The following PHF8 variants were observed in gnomAD, a reference collection of about 807,000 sequenced individuals.
PHF8 encodes the protein histone lysine demethylase PHF8.
Under a neutral mutation model 74.4 loss-of-function variants are expected in PHF8, and 9 were observed. The ratio of observed to expected loss-of-function variants is 0.12; its 90% confidence interval spans 0.07 to 0.21. The LOEUF (loss-of-function observed/expected upper bound fraction) is 0.21, where lower values mean the gene tolerates loss of function less well. Ranked by LOEUF, PHF8 falls within the 10% of genes least tolerant of loss-of-function variation. The probability of loss-of-function intolerance (pLI) is 1.00; values close to 1 mark genes in which losing one functional copy is unlikely to be tolerated. For missense variants in PHF8, 478 were observed against 816.6 expected (o/e 0.59, Z 5.05); for synonymous variants, 311 against 316.6 (o/e 0.98, Z 0.19).
intron 8 of PHF8, among the ~76,000 whole-genome samples, chrX:54,003,151 A>T (rs1412658541): frequency 8.9e-6 from 1 of 112,572 alleles, no homozygotes; most frequent in Non-Finnish European, 1.9e-5. Flanking sequence ...TAATGGGCTT[A>T]TAATTATTTT....
chrX:53,958,262 G>A (rs1005934765), intron 19 of PHF8, among the ~76,000 whole-genome samples: 14 of 107,775 alleles, frequency 1.3e-4, no homozygotes, highest in African/African-American at 4.4e-4. Flanking sequence ...GGATGGTCTG[G>A]ATCTCCTGAC....
intron 18 of PHF8, among the ~76,000 whole-genome samples, chrX:53,978,167 C>T (rs1482637673): frequency 9.2e-6 from 1 of 108,821 alleles, no homozygotes; most frequent in African/African-American, 3.4e-5. Flanking sequence ...AGGCTGGTCT[C>T]GAACTCCTGA....
chrX:53,957,728 T>C (rs1209663974), intron 19 of PHF8, among the ~76,000 whole-genome samples: 1 of 111,483 alleles, frequency 9.0e-6, no homozygotes, highest in African/African-American at 3.3e-5. Context: ...AATAGATGTG[T>C]AAAAAACGTG....
At chrX:53,946,876 A>G (rs1557085301) in intron 19 of PHF8, among the ~76,000 whole-genome samples, 2 of 112,103 alleles carry the variant, frequency 1.8e-5, no homozygotes, top group South Asian at 3.7e-4. Context: ...GGGAAACAGC[A>G]TAATAACTGG....
At chrX:53,994,296 T>C (rs782364694) in intron 12 of PHF8, among the ~76,000 whole-genome samples, 2 of 112,421 alleles carry the variant, frequency 1.8e-5, no homozygotes, top group African/African-American at 6.5e-5. Flanking sequence ...AGGAAAGTTA[T>C]CTGACCATTT....
intron 8 of PHF8, among the ~76,000 whole-genome samples, chrX:54,002,920 C>T (rs937908317): frequency 8.1e-5 from 9 of 111,590 alleles, no homozygotes; most frequent in African/African-American, 2.9e-4. Flanking sequence ...ATGTTCTTTG[C>T]CTTTTTCACC....
At chrX:53,982,474 TATC>T (rs1392420423) in intron 18 of PHF8, among the ~76,000 whole-genome samples, 5 of 112,929 alleles carry the variant, frequency 4.4e-5, no homozygotes, top group African/African-American at 1.3e-4. Flanking sequence ...AGTACTTACT[TATC>T]ATGTGCTGGG....
intron 2 of PHF8, among the ~76,000 whole-genome samples, chrX:54,038,659 C>G (rs2066501862): frequency 8.9e-6 from 1 of 112,130 alleles, no homozygotes; most frequent in African/African-American, 3.2e-5. Flanking sequence ...TTCTGAGAAC[C>G]TGGGCTCTGG....
In PHF8 at chrX:54,025,134, C is replaced by G. The variant is rs782783006; in HGVS notation, c.99-2291G>C. On this transcript the variant is annotated intron_variant, in intron 2 of 21. Transcript: ENST00000338154. ...CTCGTGATCCGCCCGCCTCGGCCTC[C>G]CAAAGTGCTGGGATTACAGGCATGA... Among the ~76,000 whole-genome samples the G allele has an allele frequency of 7.2e-5, 8 of 111,542 alleles. No individual in the cohort carries two copies. In the East Asian group the frequency reaches 2.0e-3, roughly 28 times the overall value.
In PHF8 at chrX:53,945,160, A is replaced by G. The variant is rs782246919; in HGVS notation, c.2540-917T>C. 5.4e-5 allele frequency among the ~76,000 whole-genome samples: 6 copies of G among 110,438 alleles called. No individual in the cohort carries two copies. In the East Asian group the frequency reaches 1.4e-3, roughly 26 times the overall value. ...GGAGATCAAGACCATCCTGGCTAAC[A>G]TGGTGAAACCCCGTCTCTATTAAAA... On this transcript the variant is annotated intron_variant, in intron 19 of 21. Transcript: ENST00000338154.
intron 19 of PHF8, among the ~76,000 whole-genome samples, chrX:53,961,519 G>A (rs781802032): frequency 9.0e-5 from 10 of 110,957 alleles, no homozygotes; most frequent in Non-Finnish European, 1.3e-4. Flanking sequence ...TAGAAACGAC[G>A]TTTCACCATG....
chrX:53,999,990 T>A (rs781788345), intron 10 of PHF8, 29 bp from the exon 11 acceptor site: 3 of 963,362 alleles, frequency 3.1e-6, no homozygotes, highest in Admixed American at 2.2e-5. Flanking sequence ...AAGCAGAGTG[T>A]CAACAAAGCC....
At chrX:54,028,578 G>A (rs2066306138) in intron 2 of PHF8, among the ~76,000 whole-genome samples, 1 of 111,262 alleles carries the variant, frequency 9.0e-6, no homozygotes, top group African/African-American at 3.3e-5. Context: ...AGCCAGATTA[G>A]ACCCTTCCCT....
At chrX:54,047,077 A>T (rs138203224), upstream of PHF8, among the ~76,000 whole-genome samples, 1,618 of 112,041 alleles carry the variant, frequency 0.014, 20 homozygotes, top group African/African-American at 0.051. Context: ...CCCTATGGAA[A>T]GTGACAGGTC....
At chrX:53,987,656 C>A (rs1450033976) in intron 15 of PHF8, 110 bp downstream of exon 15, 1 of 680,872 alleles carries the variant, frequency 1.5e-6, no homozygotes, top group African/African-American at 2.2e-5. Context: ...TTGCAGTGAG[C>A]CAAGATCGTG....
chrX:54,014,874 G>A (rs782502787), intron 6 of PHF8, among the ~76,000 whole-genome samples: 1 of 111,883 alleles, frequency 8.9e-6, no homozygotes, highest in African/African-American at 3.2e-5. Flanking sequence ...GTGGATTATA[G>A]AAGTTATTGC....
chrX:54,025,158 G>A (rs934610763), intron 2 of PHF8, among the ~76,000 whole-genome samples: 1 of 111,870 alleles, frequency 8.9e-6, no homozygotes, highest in African/African-American at 3.2e-5. Context: ...TTACAGGCAT[G>A]AGCCACTGCG....
rs201824053 is a variant in PHF8 at position 53,985,158 on chromosome X, G to A, written c.2199C>T (p.Ser733=). The change falls in exon 18 of 22, where the codon TCC becomes TCT. Residue 733 remains serine (S), a synonymous_variant. Transcript: ENST00000338154. ...QGMLCMANLQ[S]SSSSPATSSL... is the part of the protein sequence containing the mutation. ...TAGAGGTAGCCGGTGAGGACGATGA[G>A]GACTGCAGGTTGGCCATGCACAGCA... 1.6e-4 allele frequency: 189 copies of A among 1,204,853 alleles called. No homozygotes were observed. Among genetic ancestry groups the A allele is most frequent in the Non-Finnish European group, 2.1e-4 (183 of 892,203 alleles).
intron 2 of PHF8, among the ~76,000 whole-genome samples, chrX:54,031,857 C>G (rs190736850): frequency 2.7e-5 from 3 of 111,868 alleles, no homozygotes; most frequent in African/African-American, 3.2e-5. Context: ...ACCTGGTAAG[C>G]TTGTTAAAAT....
Sources: gnomAD v4.1 joint callset for allele counts (sites outside exome capture counted in the v4.1 genomes callset) on GRCh38, gnomAD v4.1.1 for gene constraint, MANE v1.5 for transcripts, NCBI Gene and HGNC (gene_info 2026-07-23, HGNC 2026-07-21) for gene names.